Variants in ANKRD18A observed in about 807,000 individuals in gnomAD.
ANKRD18A encodes the protein ankyrin repeat domain 18A, also known as ankyrin repeat domain-containing protein 18A.
In ANKRD18A, 72 loss-of-function variants were observed where a neutral mutation model predicts 110.6. The ratio of observed to expected loss-of-function variants is 0.65; its 90% CI spans 0.54 to 0.79. The LOEUF (loss-of-function observed/expected upper bound fraction) is 0.79. ANKRD18A is among the 30% of genes least tolerant of loss of function. ANKRD18A has a pLI of 0.00. For synonymous variants in ANKRD18A, 305 were observed against 410.3 expected, an observed-to-expected ratio of 0.74 and a Z score of 3.10; for missense variants, 934 against 1,163.3, an observed-to-expected ratio of 0.80 and a Z score of 2.87.
At chr9:38,597,051 ACT>A (rs1007937166) in intron 8 of ANKRD18A, among the ~76,000 whole-genome samples, 11 of 152,118 alleles carry the variant, frequency 7.2e-5, no homozygotes, top group Non-Finnish European at 1.5e-4. Flanking sequence ...AGGGCTTCTG[ACT>A]CTACTTCTAG....
chr9:38,613,243 G>T (rs1266712859), intron 3 of ANKRD18A, among the ~76,000 whole-genome samples: 1 of 150,910 alleles, frequency 6.6e-6, no homozygotes, highest in Non-Finnish European at 1.5e-5. Flanking sequence ...CAGTGATGTG[G>T]TTCTGGGGAC....
At chr9:38,569,918 A>G (rs1359510316), downstream of ANKRD18A, among the ~76,000 whole-genome samples, 5 of 152,092 alleles carry the variant, frequency 3.3e-5, no homozygotes. Flanking sequence ...GTAAAGTTGG[A>G]GGTCTGCCAA....
At chr9:38,600,438 T>C (rs1229028588) in intron 8 of ANKRD18A, among the ~76,000 whole-genome samples, 2 of 152,208 alleles carry the variant, frequency 1.3e-5, no homozygotes, top group African/African-American at 4.8e-5. Flanking sequence ...AATATGATAG[T>C]GTTATCTAGA....
chr9:38,616,753 C>A (rs1202696065), intron 1 of ANKRD18A, among the ~76,000 whole-genome samples: 1 of 152,020 alleles, frequency 6.6e-6, no homozygotes, highest in Non-Finnish European at 1.5e-5. Flanking sequence ...ATGCACTCAG[C>A]CAGATGTTAT....
intron 3 of ANKRD18A, 84 bp downstream of exon 3, chr9:38,615,510 T>C: frequency 2.1e-6 from 3 of 1,435,576 alleles, no homozygotes; most frequent in East Asian, 5.0e-5. Context: ...TCAGGAATAC[T>C]TGAGTTCCAA....
intron 5 of ANKRD18A, among the ~76,000 whole-genome samples, chr9:38,610,007 A>G (rs1298334646): frequency 6.6e-6 from 1 of 152,150 alleles, no homozygotes; most frequent in Non-Finnish European, 1.5e-5. Context: ...TATCTCACAT[A>G]TGAGTTATAC....
rs960770323 is a variant in ANKRD18A at position 38,571,661 on chromosome 9, C to T, written c.*384G>A. 1.2e-5 allele frequency: 12 copies of T among 1,017,506 alleles called. No homozygotes were observed. Among genetic ancestry groups the T allele is most frequent in the Admixed American group, 5.7e-5 (1 of 17,400 alleles). The allele number at this position is 1,017,506 out of a possible 1,614,324, so 63.0% of individuals were successfully genotyped here. ...AAACTGTAAAATGCAAAGAAGCCCT[C>T]GATGACCTTTACTAAAGTATCAATG... On this transcript the variant is annotated 3_prime_UTR_variant, in exon 16 of 16. Coordinates refer to ENST00000399703, the MANE Select transcript of ANKRD18A (RefSeq NM_147195.4).
downstream of ANKRD18A, among the ~76,000 whole-genome samples, chr9:38,570,685 G>A (rs528279800): frequency 3.3e-5 from 5 of 152,356 alleles, no homozygotes; most frequent in South Asian, 1.0e-3. Context: ...TCATTACAAT[G>A]CCACCATCAG....
At chr9:38,604,262 G>A (rs1218103704) in intron 6 of ANKRD18A, 1 of 151,798 alleles carries the variant, frequency 6.6e-6, no homozygotes, top group African/African-American at 2.4e-5. Flanking sequence ...CATGCCACTG[G>A]ACTCCAGACT....
In ANKRD18A at chr9:38,586,252, G is replaced by C; in HGVS notation, c.2178C>G (p.Phe726Leu). The change falls in exon 12 of 16, where the codon TTC becomes TTG. Residue 726 changes from phenylalanine (F) to leucine (L), a missense_variant. Physicochemically the swap from Phe to Leu is conservative, Grantham distance 22. This residue lies in a region of ANKRD18A where 79 missense variants were observed against 122.8 expected (regional missense o/e 0.64). Transcript: ENST00000399703. The stretch of plus-strand genomic sequence containing the variant: ...CTGTATTTAAGTCTCCATGGCAACT[G>C]AAGTCCTCATTTGCAAATGCATTTA... ...NMLNAFANEDFSCHGDLNTDQ... is the reference protein window; with the variant it reads ...NMLNAFANEDLSCHGDLNTDQ... 6.2e-7 allele frequency: 1 copy of C among 1,609,344 alleles called. No homozygotes were observed. Among genetic ancestry groups the C allele is most frequent in the Non-Finnish European group, 8.5e-7 (1 of 1,177,554 alleles).
At chr9:38,617,154 G>A (rs147974032) in intron 1 of ANKRD18A, among the ~76,000 whole-genome samples, 1 of 152,268 alleles carries the variant, frequency 6.6e-6, no homozygotes, top group African/African-American at 2.4e-5. Context: ...TTAAAAATGG[G>A]AAGCTGGCCG....
At chr9:38,586,605 C>T (rs1031178276) in intron 11 of ANKRD18A, among the ~76,000 whole-genome samples, 6 of 151,688 alleles carry the variant, frequency 4.0e-5, no homozygotes, top group African/African-American at 1.2e-4. Context: ...ACTCTTGTTG[C>T]TCAGGCTGAA....
At chr9:38,574,978 C>G (rs1435018318) in intron 15 of ANKRD18A, among the ~76,000 whole-genome samples, 1 of 151,784 alleles carries the variant, frequency 6.6e-6, no homozygotes, top group East Asian at 1.9e-4. Context: ...CCTGTAGTCC[C>G]AGCTACTTGG....
chr9:38,615,810 T>G (rs575443464), intron 2 of ANKRD18A, 43 bp from the exon 3 acceptor site: 1 of 1,580,192 alleles, frequency 6.3e-7, no homozygotes, highest in East Asian at 2.3e-5. Context: ...ATTCTAAGAA[T>G]TCAAAATACA....
At chr9:38,581,167 A>T (rs1824144905) in intron 12 of ANKRD18A, among the ~76,000 whole-genome samples, 1 of 152,222 alleles carries the variant, frequency 6.6e-6, no homozygotes, top group South Asian at 2.1e-4. Flanking sequence ...ATAAGTTTTA[A>T]AAAGAGACAA....
intron 10 of ANKRD18A, 106 bp downstream of exon 10, chr9:38,593,654 A>G: frequency 8.8e-7 from 1 of 1,138,596 alleles, no homozygotes; most frequent in Non-Finnish European, 1.1e-6. Context: ...GATCAATTAT[A>G]ATAAAATATA....
At chr9:38,569,130 G>A (rs1403938523), downstream of ANKRD18A, 2 of 985,416 alleles carry the variant, frequency 2.0e-6, no homozygotes, top group Non-Finnish European at 2.4e-6. Context: ...AAGTAGGGCG[G>A]TTGTCTCTGG....
At chr9:38,587,455 T>C (rs1824435359) in intron 11 of ANKRD18A, among the ~76,000 whole-genome samples, 1 of 152,296 alleles carries the variant, frequency 6.6e-6, no homozygotes. Flanking sequence ...CTTTTTTATA[T>C]ATAAAATTTA....
At position 38,610,278 on chromosome 9, in the gene ANKRD18A, C is replaced by T. The variant is rs566666556; in HGVS notation, c.735G>A (p.Leu245=). The part of the protein sequence containing the change: ...TAEDYALCSD[L]RSIRQQILEH... ...CTTTTAATATAAGCACATACCTTCT[C>T]AAATCAGAACAAAGAGCATAATCCT... Residue 245 remains leucine (L), a synonymous_variant, in exon 5 of 16, where the codon TTG becomes TTA. Coordinates refer to ENST00000399703, the MANE Select transcript of ANKRD18A (RefSeq NM_147195.4). The T allele has an allele frequency of 6.5e-7, 1 of 1,538,342 alleles. No homozygotes were observed. Among genetic ancestry groups the T allele is most frequent in the South Asian group, 1.2e-5 (1 of 80,694 alleles).
Sources: allele counts gnomAD v4.1 joint callset (sites outside exome capture counted in the v4.1 genomes callset), GRCh38; gene constraint gnomAD v4.1.1; regional missense constraint gnomAD v4.1.1; transcripts MANE v1.5; gene names NCBI Gene and HGNC (gene_info 2026-07-23, HGNC 2026-07-21).